ARHGAP15: variants seen among roughly 807,000 people sequenced by gnomAD.
ARHGAP15 encodes the protein Rho GTPase activating protein 15.
ARHGAP15 carries 51 observed loss-of-function variants against 63.7 expected under a neutral mutation model. That is an observed-to-expected ratio of 0.80 (90% CI 0.64 to 1.01). The LOEUF (loss-of-function observed/expected upper bound fraction) is 1.01. ARHGAP15 is among the 50% of genes least tolerant of loss of function. ARHGAP15 has a pLI of 0.00. For synonymous variants in ARHGAP15, 191 were observed against 193.8 expected (o/e 0.99, Z 0.12); for missense variants, 560 against 564.6 (o/e 0.99, Z 0.08).
chr2:143,619,659 G>A (rs1698581484), intron 11 of ARHGAP15, among the ~76,000 whole-genome samples: 1 of 152,156 alleles, frequency 6.6e-6, no homozygotes, highest in Admixed American at 6.5e-5. Flanking sequence ...CCCAATGTTG[G>A]GGGAGGGACC....
chr2:143,673,880 G>A (rs1306050386), intron 12 of ARHGAP15, among the ~76,000 whole-genome samples: 1 of 148,756 alleles, frequency 6.7e-6, no homozygotes, highest in East Asian at 2.0e-4. Context: ...ACAAATGATC[G>A]ATGAACACAT....
chr2:143,405,774 C>G (rs953865212), intron 6 of ARHGAP15, among the ~76,000 whole-genome samples: 7 of 151,818 alleles, frequency 4.6e-5, no homozygotes, highest in Non-Finnish European at 1.0e-4. Flanking sequence ...TTCATTTCTA[C>G]CAGGACCCTA....
chr2:143,209,568 C>T (rs867213494), intron 3 of ARHGAP15, among the ~76,000 whole-genome samples: 1 of 136,936 alleles, frequency 7.3e-6, no homozygotes, highest in Non-Finnish European at 1.6e-5. Context: ...AAAAAAAAAA[C>T]AAGTTTCTGT....
intron 6 of ARHGAP15, among the ~76,000 whole-genome samples, chr2:143,407,568 A>T (rs1688252419): frequency 6.6e-6 from 1 of 151,796 alleles, no homozygotes; most frequent in Non-Finnish European, 1.5e-5. Flanking sequence ...GATGTTCTTC[A>T]TGTAGATATT....
chr2:143,714,712 T>C (rs796815694), intron 13 of ARHGAP15, among the ~76,000 whole-genome samples: 2 of 152,332 alleles, frequency 1.3e-5, no homozygotes, highest in East Asian at 1.9e-4. Context: ...TTTTAAAATT[T>C]CACAGATCTC....
At chr2:143,442,083 T>C (rs1689908450) in intron 8 of ARHGAP15, among the ~76,000 whole-genome samples, 1 of 152,194 alleles carries the variant, frequency 6.6e-6, no homozygotes, top group African/African-American at 2.4e-5. Flanking sequence ...CTTGTCTTTG[T>C]TTAAAAAATT....
chr2:143,617,562 C>T (rs928219362), intron 11 of ARHGAP15, among the ~76,000 whole-genome samples: 2 of 152,132 alleles, frequency 1.3e-5, no homozygotes, highest in African/African-American at 4.8e-5. Context: ...TGGATGGGGA[C>T]CCACATGACC....
In ARHGAP15 at chr2:143,202,155, C is replaced by T. The variant is rs1177528659; in HGVS notation, c.187C>T (p.His63Tyr). Residue 63 changes from histidine (H) to tyrosine (Y), a missense_variant, in exon 3 of 14, where the codon CAT (histidine) becomes TAT (tyrosine). Physicochemically the swap from His to Tyr is moderately conservative, Grantham distance 83 (BLOSUM62 2). Coordinates refer to ENST00000295095, the MANE Select transcript of ARHGAP15 (RefSeq NM_018460.4). ...GCAGATATCCAGACACAGAAGGAATCATTCACAGCATATCTTGAAAGATGT... is the reference window on the plus strand; with the variant it reads ...GCAGATATCCAGACACAGAAGGAATTATTCACAGCATATCTTGAAAGATGT... The part of the protein sequence containing the change: ...TEPISRHRRN[H>Y]SQHILKDVIP... The T allele has an allele frequency of 6.2e-7, 1 of 1,611,978 alleles. No individual in the cohort carries two copies. The highest frequency in any genetic ancestry group is 1.3e-5 in the African/African-American group (1 of 74,814).
intron 8 of ARHGAP15, among the ~76,000 whole-genome samples, chr2:143,480,579 A>G (rs1262971850): frequency 1.3e-5 from 2 of 152,192 alleles, no homozygotes; most frequent in Non-Finnish European, 2.9e-5. Flanking sequence ...AGATTTAATC[A>G]TGATTTGTGT....
chr2:143,664,314 A>G (rs1218849830), intron 12 of ARHGAP15, among the ~76,000 whole-genome samples: 2 of 151,316 alleles, frequency 1.3e-5, no homozygotes, highest in Admixed American at 6.6e-5. Flanking sequence ...CTCCTGAATG[A>G]CTACTGGATA....
intron 6 of ARHGAP15, among the ~76,000 whole-genome samples, chr2:143,300,613 C>T (rs1275928460): frequency 6.6e-6 from 1 of 152,026 alleles, no homozygotes; most frequent in African/African-American, 2.4e-5. Context: ...TGGTACCTTG[C>T]ATTCTGTGGC....
chr2:143,603,141 G>A (rs1412384197), intron 11 of ARHGAP15, among the ~76,000 whole-genome samples: 1 of 152,164 alleles, frequency 6.6e-6, no homozygotes, highest in African/African-American at 2.4e-5. Context: ...TCACGTGGAT[G>A]TAAATAGAGT....
chr2:143,271,353 AATCT>A (rs1681270338), intron 6 of ARHGAP15, among the ~76,000 whole-genome samples: 1 of 152,212 alleles, frequency 6.6e-6, no homozygotes, highest in Non-Finnish European at 1.5e-5. Flanking sequence ...TCTTGTAATA[AATCT>A]ACCTTCCCCC....
At chr2:143,438,011 A>T (rs1689688744) in intron 8 of ARHGAP15, among the ~76,000 whole-genome samples, 1 of 152,162 alleles carries the variant, frequency 6.6e-6, no homozygotes, top group African/African-American at 2.4e-5. Context: ...TTGGCAACAA[A>T]GCAAGACTCT....
chr2:143,556,433 A>G lies in ARHGAP15; in HGVS notation c.951A>G (p.Arg317=). 6.2e-7 allele frequency: 1 copy of G among 1,612,498 alleles called. No individual in the cohort carries two copies. The highest frequency in any genetic ancestry group is 8.5e-7 in the Non-Finnish European group (1 of 1,178,956). The change falls in exon 11 of 14, where the codon CGA becomes CGG. Residue 317 remains arginine, a synonymous_variant. Coordinates refer to ENST00000295095, the MANE Select transcript of ARHGAP15 (RefSeq NM_018460.4). ...GTCTAGATGTTGATGGAATATATCG[A>G]GTTAGTGGCAATCTGGCAACAATAC... ...KRGLDVDGIY[R]VSGNLATIQK...
intron 11 of ARHGAP15, among the ~76,000 whole-genome samples, chr2:143,618,254 T>C (rs146165875): frequency 1.5e-4 from 23 of 152,352 alleles, no homozygotes; most frequent in African/African-American, 5.3e-4. Context: ...ATCTTCTATA[T>C]CCTTATAAAC....
chr2:143,671,050 A>C (rs951905574), intron 12 of ARHGAP15, among the ~76,000 whole-genome samples: 1 of 152,206 alleles, frequency 6.6e-6, no homozygotes. Flanking sequence ...TGCTAATGGC[A>C]TACCATCTGA....
chr2:143,428,718 C>T (rs1418080664), intron 6 of ARHGAP15, among the ~76,000 whole-genome samples: 1 of 151,930 alleles, frequency 6.6e-6, no homozygotes, highest in African/African-American at 2.4e-5. Flanking sequence ...AAGGGAGATT[C>T]TATGTTTGTT....
intron 9 of ARHGAP15, among the ~76,000 whole-genome samples, chr2:143,514,602 G>A (rs1693725835): frequency 6.6e-6 from 1 of 152,174 alleles, no homozygotes. Context: ...CACCACCTAT[G>A]TGAGTAAGCT....
Sources: allele counts gnomAD v4.1 joint callset (sites outside exome capture counted in the v4.1 genomes callset), GRCh38; gene constraint gnomAD v4.1.1; transcripts MANE v1.5; gene names NCBI Gene and HGNC (gene_info 2026-07-23, HGNC 2026-07-21).